The following CPEB1 variants were observed in gnomAD, a reference collection of about 807,000 sequenced individuals.
CPEB1 encodes cytoplasmic polyadenylation element-binding protein 1.
In CPEB1, 7 loss-of-function variants were observed where a neutral mutation model predicts 65.8. That is an observed-to-expected ratio of 0.11 (90% confidence interval 0.06 to 0.20). The LOEUF is 0.20. Ranked by LOEUF, CPEB1 falls within the 10% of genes least tolerant of loss-of-function variation. CPEB1 has a pLI of 1.00. For missense variants in CPEB1, 551 were observed against 712.2 expected, an observed-to-expected ratio of 0.77 and a Z score of 2.58; for synonymous variants, 262 against 260.0, an observed-to-expected ratio of 1.01 and a Z score of -0.08.
chr15:82,611,356 T>A (rs959971196), intron 3 of CPEB1, among the ~76,000 whole-genome samples: 1 of 152,090 alleles, frequency 6.6e-6, no homozygotes, highest in Admixed American at 6.6e-5. Context: ...AATATACTTA[T>A]GAATAAATTG....
intron 4 of CPEB1, among the ~76,000 whole-genome samples, chr15:82,560,798 T>C (rs1164294764): frequency 6.6e-6 from 1 of 152,152 alleles, no homozygotes; most frequent in African/African-American, 2.4e-5. Flanking sequence ...AAAGCACCAG[T>C]AGGAACCAGT....
rs1302361505 is a variant in CPEB1, at chr15:82,544,274, T to A, written c.*318A>T. The A allele has an allele frequency of 1.7e-4, 14 of 80,128 alleles. No homozygotes were observed. The Admixed American group carries it at 1.8e-3, about 10-fold the overall frequency. 5.0% of individuals were successfully genotyped at this position (80,128 alleles called of 1,614,324 possible). ...CCTCAATACCTTCTGGACACGTAGT[T>A]TTTTTTTTTTTTTTTTTTTTCCCCG... On this transcript the variant is annotated 3_prime_UTR_variant, in exon 13 of 13. Coordinates refer to ENST00000684509, the MANE Select transcript of CPEB1 (RefSeq NM_001365242.1).
At chr15:82,571,699 C>T (rs1267060556) in intron 3 of CPEB1, 167 bp from the exon 4 acceptor site, 2 of 1,435,120 alleles carry the variant, frequency 1.4e-6, no homozygotes, top group Non-Finnish European at 1.8e-6. Context: ...GACGCTGGGG[C>T]AAGAGCAGTT....
intron 1 of CPEB1, among the ~76,000 whole-genome samples, chr15:82,631,364 A>G (rs1363346873): frequency 6.6e-6 from 1 of 152,040 alleles, no homozygotes; most frequent in East Asian, 1.9e-4. Flanking sequence ...TGTTCAATGT[A>G]TATTCCAAAC....
At chr15:82,582,728 C>G (rs990578387) in intron 3 of CPEB1, among the ~76,000 whole-genome samples, 1 of 146,204 alleles carries the variant, frequency 6.8e-6, no homozygotes, top group Non-Finnish European at 1.5e-5. Flanking sequence ...TCCCATCATA[C>G]TAGGAGTTCT....
At chr15:82,617,724 GTTTTTTTTTTTTTTTT>G (rs35267620) in intron 3 of CPEB1, among the ~76,000 whole-genome samples, 1 of 83,818 alleles carries the variant, frequency 1.2e-5, no homozygotes, top group East Asian at 3.6e-4. Context: ...TTCTATTAAA[GTTTTTTTTTTTTTTTT>G]TTTTTTTTTT....
At chr15:82,585,551 C>G (rs1290498987) in intron 3 of CPEB1, among the ~76,000 whole-genome samples, 4 of 152,184 alleles carry the variant, frequency 2.6e-5, no homozygotes, top group Non-Finnish European at 5.9e-5. Context: ...ATGGAGAAGA[C>G]AGGCATTATA....
intron 1 of CPEB1, among the ~76,000 whole-genome samples, chr15:82,643,487 G>C (rs1350912587): frequency 6.6e-5 from 10 of 152,022 alleles, no homozygotes; most frequent in African/African-American, 2.4e-4. Flanking sequence ...AAATTAGCCG[G>C]GCGTGGTGGC....
At chr15:82,559,527 C>G (rs1345641970) in intron 4 of CPEB1, among the ~76,000 whole-genome samples, 1 of 152,186 alleles carries the variant, frequency 6.6e-6, no homozygotes, top group African/African-American at 2.4e-5. Context: ...CCTCTACAAC[C>G]TGGCCAACAC....
chr15:82,544,269 GTAGT>G lies in CPEB1; in HGVS notation c.*319_*322del, dbSNP rs1442461024. ...CAATACCTCAATACCTTCTGGACAC[GTAGT>G]TTTTTTTTTTTTTTTTTTTTTCCCC... On this transcript the variant is annotated 3_prime_UTR_variant, in exon 13 of 13. Transcript: ENST00000684509. The G allele has an allele frequency of 8.0e-6, 2 of 251,362 alleles. No homozygotes were observed. The highest frequency in any genetic ancestry group is 5.2e-5 in the African/African-American group (2 of 38,258). The allele number at this position is 251,362 out of a possible 1,614,324, so 15.6% of individuals were successfully genotyped here. A position where few individuals can be genotyped will look rare whatever the true frequency, so the allele number is the denominator to read the frequency against.
At chr15:82,575,485 G>A (rs942185892) in intron 3 of CPEB1, among the ~76,000 whole-genome samples, 24 of 152,126 alleles carry the variant, frequency 1.6e-4, no homozygotes, top group African/African-American at 4.8e-4. Flanking sequence ...TTATCACAAC[G>A]AAAAACTTCT....
intron 3 of CPEB1, among the ~76,000 whole-genome samples, chr15:82,584,943 A>G (rs2041660725): frequency 7.4e-6 from 1 of 135,460 alleles, no homozygotes; most frequent in Non-Finnish European, 1.5e-5. Flanking sequence ...CATTGTAACA[A>G]GAAAAAAAAT....
At chr15:82,614,879 G>GTGTGTGTATA (rs368957489) in intron 3 of CPEB1, among the ~76,000 whole-genome samples, 39 of 113,312 alleles carry the variant, frequency 3.4e-4, no homozygotes, top group African/African-American at 8.7e-4. Flanking sequence ...GTGTGTGTGT[G>GTGTGTGTATA]TATATATATA....
chr15:82,636,783 G>A (rs2046693184), intron 1 of CPEB1, among the ~76,000 whole-genome samples: 1 of 152,078 alleles, frequency 6.6e-6, no homozygotes, highest in Non-Finnish European at 1.5e-5. Context: ...AGGCAGACCC[G>A]TATCACACTC....
At chr15:82,584,709 T>A (rs142822670) in intron 3 of CPEB1, among the ~76,000 whole-genome samples, 248 of 147,960 alleles carry the variant, frequency 1.7e-3, no homozygotes, top group African/African-American at 6.0e-3. Context: ...CCATAATGCA[T>A]CTATCTACAC....
chr15:82,598,808 C>T (rs2042876013), intron 3 of CPEB1, among the ~76,000 whole-genome samples: 1 of 151,924 alleles, frequency 6.6e-6, no homozygotes, highest in African/African-American at 2.4e-5. Flanking sequence ...AACAAAAAAA[C>T]CAAAGGCCAT....
intron 3 of CPEB1, among the ~76,000 whole-genome samples, chr15:82,599,498 G>C (rs2042927427): frequency 6.6e-6 from 1 of 151,976 alleles, no homozygotes; most frequent in Non-Finnish European, 1.5e-5. Context: ...TTACAGGATA[G>C]AACTACTAGT....
intron 3 of CPEB1, among the ~76,000 whole-genome samples, chr15:82,584,172 T>C (rs767372857): frequency 1.3e-4 from 17 of 135,976 alleles, no homozygotes; most frequent in Non-Finnish European, 2.4e-4. Context: ...GGCAGGAGAA[T>C]GGCATGAACC....
At chr15:82,625,207 G>C (rs1596125023) in intron 3 of CPEB1, among the ~76,000 whole-genome samples, 1 of 152,136 alleles carries the variant, frequency 6.6e-6, no homozygotes, top group South Asian at 2.1e-4. Context: ...ATGACTCCCT[G>C]AACTTTTAAC....
Sources: gnomAD v4.1 joint callset for allele counts (sites outside exome capture counted in the v4.1 genomes callset) on GRCh38, gnomAD v4.1.1 for gene constraint, MANE v1.5 for transcripts, NCBI Gene and HGNC (gene_info 2026-07-23, HGNC 2026-07-21) for gene names.